TAFA1: variants seen among roughly 807,000 people sequenced by gnomAD.
The protein encoded by TAFA1 is TAFA chemokine like family member 1.
TAFA1 carries 4 observed loss-of-function variants against 18.5 expected under a neutral mutation model. The ratio of observed to expected loss-of-function variants is 0.22; its 90% CI spans 0.11 to 0.49. The LOEUF is 0.49. Ranked by LOEUF, TAFA1 falls within the 20% of genes least tolerant of loss-of-function variation. The pLI, the probability that TAFA1 is intolerant of heterozygous loss-of-function variation, is 0.98. For synonymous variants in TAFA1, 56 were observed against 55.2 expected (o/e 1.01, Z -0.06); for missense variants, 147 against 169.0 (o/e 0.87, Z 0.72).
intron 2 of TAFA1, among the ~76,000 whole-genome samples, chr3:68,302,929 T>C (rs2068332432): frequency 1.3e-5 from 2 of 152,216 alleles, no homozygotes; most frequent in South Asian, 4.1e-4. Flanking sequence ...ACTGTCCATG[T>C]GTGACCTTAG....
intron 2 of TAFA1, among the ~76,000 whole-genome samples, chr3:68,173,232 C>A (rs574898893): frequency 6.6e-6 from 1 of 151,554 alleles, no homozygotes; most frequent in Non-Finnish European, 1.5e-5. Context: ...TTAACCTTAG[C>A]GGGTTTACTT....
At chr3:68,441,673 T>C (rs1185349195) in intron 3 of TAFA1, among the ~76,000 whole-genome samples, 2 of 152,056 alleles carry the variant, frequency 1.3e-5, no homozygotes, top group East Asian at 3.9e-4. Context: ...TCAGGAAGTG[T>C]CTCAAATGCC....
At chr3:68,009,027 C>T (rs2106773083) in intron 2 of TAFA1, among the ~76,000 whole-genome samples, 1 of 152,316 alleles carries the variant, frequency 6.6e-6, no homozygotes, top group South Asian at 2.1e-4. Context: ...GATGTCCCCC[C>T]TTAATAGACT....
Position 68,380,619 on chromosome 3 carries a change from TG to T in TAFA1, c.119-36660del, listed in dbSNP as rs1480825963. Among the ~76,000 whole-genome samples the T allele has an allele frequency of 7.9e-5, 12 of 152,270 alleles. No homozygotes were observed. The East Asian group carries it at 2.3e-3, about 29-fold the overall frequency. On this transcript the variant is annotated intron_variant, in intron 2 of 4. Coordinates refer to ENST00000478136, the MANE Select transcript of TAFA1 (RefSeq NM_213609.4). Reference sequence around the variant, plus strand: ...TCGCCCACTTTTTGATAGGGTTGTTTGTTTTTTTCTTGTAAATTTGTTTGAG... The same window carrying T: ...TCGCCCACTTTTTGATAGGGTTGTTTTTTTTTTCTTGTAAATTTGTTTGAG...
chr3:68,517,062 C>G (rs547708747), intron 3 of TAFA1, among the ~76,000 whole-genome samples: 1 of 152,304 alleles, frequency 6.6e-6, no homozygotes, highest in African/African-American at 2.4e-5. Context: ...ACGTGAGCCA[C>G]CGCGCCTGGC....
chr3:68,044,537 C>G (rs1705230029), intron 2 of TAFA1, among the ~76,000 whole-genome samples: 1 of 152,212 alleles, frequency 6.6e-6, no homozygotes, highest in Non-Finnish European at 1.5e-5. Context: ...TGTTTCACTC[C>G]AGCCTGGGCC....
At chr3:68,104,369 T>A (rs897762047) in intron 2 of TAFA1, among the ~76,000 whole-genome samples, 43 of 152,158 alleles carry the variant, frequency 2.8e-4, no homozygotes, top group East Asian at 3.9e-4. Context: ...GGAAAATATA[T>A]GTAAAAATTG....
intron 3 of TAFA1, among the ~76,000 whole-genome samples, chr3:68,511,643 A>G (rs2665550): frequency 0.21 from 32,414 of 151,890 alleles, 3,559 homozygotes; most frequent in Middle Eastern, 0.24. Flanking sequence ...TTAACATAAT[A>G]TAATTAAATA....
intron 2 of TAFA1, among the ~76,000 whole-genome samples, chr3:68,415,382 G>A (rs1056338349): frequency 6.6e-6 from 1 of 152,080 alleles, no homozygotes. Context: ...AAATGTGTAG[G>A]GTGCTAATAG....
At chr3:68,073,655 C>T (rs1351817413) in intron 2 of TAFA1, among the ~76,000 whole-genome samples, 1 of 151,976 alleles carries the variant, frequency 6.6e-6, no homozygotes, top group African/African-American at 2.4e-5. Flanking sequence ...AGTATTGCAT[C>T]TCTATACACA....
At chr3:68,076,081 G>A (rs1042820497) in intron 2 of TAFA1, among the ~76,000 whole-genome samples, 64 of 152,182 alleles carry the variant, frequency 4.2e-4, no homozygotes, top group African/African-American at 1.5e-3. Flanking sequence ...GAGCATCACA[G>A]AAATGTGGTT....
In TAFA1 at chr3:68,217,544, C is replaced by A. The variant is rs185328618; in HGVS notation, c.119-199736C>A. On this transcript the variant is annotated intron_variant, in intron 2 of 4. Transcript: ENST00000478136. The stretch of plus-strand genomic sequence containing the variant: ...GACATTAAGTTAAAACTAAGGCAAT[C>A]TGAATAAAGCATGGACTTTATTTAG... Among the ~76,000 whole-genome samples the A allele has an allele frequency of 4.6e-5, 7 of 152,016 alleles. No homozygotes were observed. The East Asian group carries it at 1.4e-3, about 30-fold the overall frequency.
At chr3:68,120,176 TCTTTCTTTCTTTC>T (rs2065374842) in intron 2 of TAFA1, among the ~76,000 whole-genome samples, 12 of 14,328 alleles carry the variant, frequency 8.4e-4, no homozygotes, top group African/African-American at 1.7e-3. Flanking sequence ...TCTTTCTCTT[TCTTTCTTTCTTTC>T]TTTCTTTCTT....
At chr3:68,462,508 T>C (rs1200296184) in intron 3 of TAFA1, among the ~76,000 whole-genome samples, 1 of 152,160 alleles carries the variant, frequency 6.6e-6, no homozygotes, top group Admixed American at 6.6e-5. Context: ...TGTGAGTCAA[T>C]TAAACCTCTT....
chr3:68,415,931 A>T (rs1348975692), intron 2 of TAFA1, among the ~76,000 whole-genome samples: 1 of 152,198 alleles, frequency 6.6e-6, no homozygotes, highest in African/African-American at 2.4e-5. Flanking sequence ...CGTTTCTTTC[A>T]TGTTAGGCCA....
chr3:68,345,700 T>C (rs773660343), intron 2 of TAFA1, among the ~76,000 whole-genome samples: 1 of 152,084 alleles, frequency 6.6e-6, no homozygotes, highest in Non-Finnish European at 1.5e-5. Context: ...GAAATAATAA[T>C]AATAAATAAA....
At chr3:68,370,472 G>GTATATATA (rs749877780) in intron 2 of TAFA1, among the ~76,000 whole-genome samples, 16 of 33,024 alleles carry the variant, frequency 4.8e-4, no homozygotes, top group South Asian at 1.2e-3. Flanking sequence ...GTGTGTGTGT[G>GTATATATA]TATATATATA....
intron 3 of TAFA1, among the ~76,000 whole-genome samples, chr3:68,508,319 G>T (rs2072793280): frequency 6.6e-6 from 1 of 151,878 alleles, no homozygotes; most frequent in Non-Finnish European, 1.5e-5. Context: ...ATTTCAAGGG[G>T]ACATAAACAT....
chr3:68,022,632 T>C (rs1704715257), intron 2 of TAFA1, among the ~76,000 whole-genome samples: 1 of 151,836 alleles, frequency 6.6e-6, no homozygotes, highest in South Asian at 2.1e-4. Flanking sequence ...ACATTGTCTT[T>C]AGTCAGGAGG....
Sources: gnomAD v4.1 joint callset for allele counts (sites outside exome capture counted in the v4.1 genomes callset) on GRCh38, gnomAD v4.1.1 for gene constraint, MANE v1.5 for transcripts, NCBI Gene and HGNC (gene_info 2026-07-23, HGNC 2026-07-21) for gene names.